Variants in TSNARE1 observed in about 807,000 individuals in gnomAD.
TSNARE1 encodes the protein t-SNARE domain containing 1, also known as t-SNARE domain-containing protein 1.
A neutral mutation model predicts 62.0 loss-of-function variants in TSNARE1; 49 were observed. That is an observed-to-expected ratio of 0.79 (90% CI 0.63 to 1.00). TSNARE1 has a LOEUF of 1.00. Among genes scored for constraint, TSNARE1 ranks in the 50% least tolerant of loss-of-function variants. The pLI is 0.00. For missense variants in TSNARE1, 755 were observed against 700.1 expected (o/e 1.08, Z -0.88); for synonymous variants, 328 against 294.4 (o/e 1.11, Z -1.17).
intron 9 of TSNARE1, among the ~76,000 whole-genome samples, chr8:142,302,702 G>C (rs888148449): frequency 6.6e-6 from 1 of 152,190 alleles, no homozygotes; most frequent in Non-Finnish European, 1.5e-5. Flanking sequence ...AGCTTTGCCA[G>C]GTCCTAGCCT....
chr8:142,368,511 C>T (rs537413452), intron 1 of TSNARE1, among the ~76,000 whole-genome samples: 23 of 152,272 alleles, frequency 1.5e-4, no homozygotes, highest in African/African-American at 5.1e-4. Context: ...AGCCTGAAAC[C>T]TAAAGAAAGA....
intron 5 of TSNARE1, among the ~76,000 whole-genome samples, chr8:142,331,464 C>A (rs767909762): frequency 2.6e-5 from 4 of 152,220 alleles, no homozygotes; most frequent in Non-Finnish European, 5.9e-5. Context: ...GAGCCAGCAG[C>A]GGGCAGGGGG....
chr8:142,356,535 G>A (rs1353390204), intron 1 of TSNARE1, among the ~76,000 whole-genome samples: 5 of 152,206 alleles, frequency 3.3e-5, no homozygotes, highest in Admixed American at 6.5e-5. Context: ...GGGCCTCATC[G>A]GGAAAAGCTC....
At chr8:142,405,064 C>A (rs927230469), upstream of TSNARE1, 1 of 152,230 alleles carries the variant, frequency 6.6e-6, no homozygotes, top group African/African-American at 2.4e-5. Flanking sequence ...TTGGCTCCTC[C>A]GAAATCTGGG....
At chr8:142,327,644 T>C (rs982902710) in intron 6 of TSNARE1, among the ~76,000 whole-genome samples, 1 of 152,176 alleles carries the variant, frequency 6.6e-6, no homozygotes, top group Non-Finnish European at 1.5e-5. Context: ...TCAAGTGGGA[T>C]GGGATGAACC....
At chr8:142,275,698 C>G in intron 11 of TSNARE1, 1 of 985,468 alleles carries the variant, frequency 1.0e-6, no homozygotes, top group Non-Finnish European at 1.2e-6. Flanking sequence ...AATCAGGCAA[C>G]TGGAGAAGAG....
In TSNARE1 at chr8:142,275,545, C is replaced by T. The variant is rs899867035; in HGVS notation, c.1364-682G>A. The T allele has an allele frequency of 4.1e-6, 4 of 985,320 alleles. No individual in the cohort carries two copies. In the African/African-American group the frequency reaches 5.2e-5, roughly 13 times the overall value. 61.0% of individuals were successfully genotyped at this position (985,320 alleles called of 1,614,324 possible). A position where few individuals can be genotyped will look rare whatever the true frequency, so the allele number is the denominator to read the frequency against. On this transcript the variant is annotated intron_variant, in intron 11 of 13. Coordinates refer to ENST00000524325, the MANE Select transcript of TSNARE1 (RefSeq NM_145003.5). The stretch of plus-strand genomic sequence containing the variant: ...ATTCCATGCTCAGCATTGTCTTCCA[C>T]CCAAAGGAAGGACACATGCCACCTG...
chr8:142,249,173 A>G (rs932854003), intron 12 of TSNARE1, among the ~76,000 whole-genome samples: 1 of 152,194 alleles, frequency 6.6e-6, no homozygotes, highest in Non-Finnish European at 1.5e-5. Context: ...CCAATTTATA[A>G]CATGAGGAAG....
At chr8:142,382,598 G>A (rs1417105015) in intron 1 of TSNARE1, among the ~76,000 whole-genome samples, 1 of 152,186 alleles carries the variant, frequency 6.6e-6, no homozygotes, top group Non-Finnish European at 1.5e-5. Flanking sequence ...CAGAGAGAAG[G>A]TCTGGCCATG....
chr8:142,229,369 T>G (rs887762286), intron 13 of TSNARE1, 104 bp downstream of exon 13: 1 of 918,934 alleles, frequency 1.1e-6, no homozygotes, highest in African/African-American at 1.6e-5. Context: ...GGTGGATGGA[T>G]AGATGGATGG....
chr8:142,280,551 C>G (rs1180570390), intron 11 of TSNARE1, among the ~76,000 whole-genome samples: 3 of 152,184 alleles, frequency 2.0e-5, no homozygotes, highest in East Asian at 3.9e-4. Context: ...TCCCCGGAGC[C>G]CTGACCACGT....
intron 13 of TSNARE1, among the ~76,000 whole-genome samples, chr8:142,222,952 C>CCACT (rs1313754274): frequency 7.2e-6 from 1 of 138,686 alleles, no homozygotes; most frequent in Admixed American, 7.2e-5. Flanking sequence ...ACTCACTCAT[C>CCACT]CACTCACTCA....
chr8:142,317,668 G>C (rs967390949), intron 7 of TSNARE1, among the ~76,000 whole-genome samples: 3 of 152,178 alleles, frequency 2.0e-5, no homozygotes, highest in Admixed American at 6.5e-5. Context: ...AGTCAGAAGT[G>C]GGGACAGGGC....
At chr8:142,274,591 T>A in intron 12 of TSNARE1, 190 bp downstream of exon 12, 1 of 985,322 alleles carries the variant, frequency 1.0e-6, no homozygotes. Context: ...CGCAGACCAC[T>A]GCTGCCGCAA....
At chr8:142,290,620 G>A (rs1169106529) in intron 10 of TSNARE1, among the ~76,000 whole-genome samples, 2 of 152,192 alleles carry the variant, frequency 1.3e-5, no homozygotes, top group East Asian at 1.9e-4. Flanking sequence ...CACCTACAAA[G>A]ACGACTATTC....
chr8:142,251,117 G>A (rs574660862), intron 12 of TSNARE1, among the ~76,000 whole-genome samples: 3 of 152,312 alleles, frequency 2.0e-5, no homozygotes, highest in South Asian at 4.1e-4. Context: ...CTGAGGCCCA[G>A]AGTCACCGGG....
rs189910481 is a variant in TSNARE1, at chr8:142,217,026, G to A, written c.*12-4713C>T. Among the ~76,000 whole-genome samples, 1,363 of 152,088 alleles carry A rather than the reference G, an allele frequency of 9.0e-3. 20 individuals are homozygous for A. Among genetic ancestry groups the A allele is most frequent in the African/African-American group, 0.031 (1,282 of 41,472 alleles). On this transcript the variant is annotated intron_variant, in intron 13 of 13. Coordinates refer to ENST00000524325, the MANE Select transcript of TSNARE1 (RefSeq NM_145003.5). ...TGGGAGGCCGAGGCAGGCAGATCAC[G>A]AGGTCAGGAGATCAAGACTATCCTG...
intron 7 of TSNARE1, among the ~76,000 whole-genome samples, chr8:142,316,557 T>A (rs1420451739): frequency 6.6e-6 from 1 of 151,762 alleles, no homozygotes; most frequent in Non-Finnish European, 1.5e-5. Flanking sequence ...AGTGTAGAGT[T>A]CAGTAACTCT....
chr8:142,367,934 A>C (rs1343792960), intron 1 of TSNARE1, among the ~76,000 whole-genome samples: 2 of 152,226 alleles, frequency 1.3e-5, no homozygotes, highest in Non-Finnish European at 2.9e-5. Flanking sequence ...AATACACTCC[A>C]AATGGATCAT....
Sources: allele counts gnomAD v4.1 joint callset (sites outside exome capture counted in the v4.1 genomes callset), GRCh38; gene constraint gnomAD v4.1.1; transcripts MANE v1.5; gene names NCBI Gene and HGNC (gene_info 2026-07-23, HGNC 2026-07-21).